Variants in USP35 observed in about 807,000 individuals in gnomAD.
The protein encoded by USP35 is ubiquitin carboxyl-terminal hydrolase 35.
USP35 carries 69 observed loss-of-function variants against 83.8 expected under a neutral mutation model. The observed-to-expected ratio is 0.82, with a 90% CI of 0.68 to 1.01. The LOEUF (loss-of-function observed/expected upper bound fraction) is 1.01. Ranked by LOEUF, USP35 falls within the 50% of genes least tolerant of loss-of-function variation. USP35 has a pLI of 0.00. For synonymous variants in USP35, 714 were observed against 589.5 expected, an observed-to-expected ratio of 1.21 and a Z score of -3.06; for missense variants, 1,503 against 1,362.5, an observed-to-expected ratio of 1.10 and a Z score of -1.62.
the USP35 span, among the ~76,000 whole-genome samples, chr11:78,233,040 G>GCTTTTTTTTTTTTTTTT: frequency 7.6e-6 from 1 of 132,006 alleles, no homozygotes; most frequent in African/African-American, 3.0e-5. Flanking sequence ...GCACTGTTAA[G>GCTTTTTTTTTTTTTTTT]TTTTTTTTTT....
At chr11:78,217,579 A>C (rs192554230), downstream of USP35, 1 of 152,310 alleles carries the variant, frequency 6.6e-6, no homozygotes, top group Admixed American at 6.5e-5. Flanking sequence ...CCCAGGGTAG[A>C]ATGAAACGTC....
At chr11:78,235,081 G>A in the USP35 span, among the ~76,000 whole-genome samples, 3 of 152,240 alleles carry the variant, frequency 2.0e-5, no homozygotes, top group South Asian at 6.2e-4. Context: ...CCATGGTCTT[G>A]GAGATTAACA....
downstream of USP35, among the ~76,000 whole-genome samples, chr11:78,219,801 G>A (rs148718087): frequency 4.0e-3 from 604 of 152,276 alleles, 3 homozygotes; most frequent in African/African-American, 0.014. Flanking sequence ...AGGACTTTAC[G>A]TGCTGTGCTC....
chr11:78,191,690 G>A (rs1261996089), intron 1 of USP35, among the ~76,000 whole-genome samples: 3 of 152,236 alleles, frequency 2.0e-5, no homozygotes, highest in South Asian at 2.1e-4. Context: ...TGGGAACACC[G>A]AAGTGGCAGG....
At chr11:78,197,760 T>C (rs1180960453) in intron 2 of USP35, among the ~76,000 whole-genome samples, 176 bp from the exon 3 acceptor site, 1 of 152,138 alleles carries the variant, frequency 6.6e-6, no homozygotes, top group Non-Finnish European at 1.5e-5. Context: ...TAGTGAAGGT[T>C]TGTTGAGTGA....
downstream of USP35, chr11:78,217,243 G>C (rs1468569037): frequency 6.6e-6 from 1 of 152,266 alleles, no homozygotes; most frequent in African/African-American, 2.4e-5. Flanking sequence ...TCATGTCCTT[G>C]TCCTTTTTCT....
intron 8 of USP35, among the ~76,000 whole-genome samples, chr11:78,207,937 T>C (rs767205356): frequency 3.3e-5 from 5 of 152,220 alleles, no homozygotes; most frequent in Non-Finnish European, 7.3e-5. Context: ...GCTTGGTGAT[T>C]TATGAAGAAA....
At chr11:78,226,971 T>A in the USP35 span, 4 of 1,613,686 alleles carry the variant, frequency 2.5e-6, no homozygotes, top group South Asian at 4.4e-5. Flanking sequence ...ACAGTGTCCA[T>A]TGCCCTGGGC....
At chr11:78,195,457 C>T (rs1030575536) in intron 1 of USP35, among the ~76,000 whole-genome samples, 11 of 152,088 alleles carry the variant, frequency 7.2e-5, no homozygotes, top group African/African-American at 2.7e-4. Context: ...AGAAAGAGTG[C>T]GAGGCATTCT....
intron 6 of USP35, among the ~76,000 whole-genome samples, chr11:78,205,175 G>A (rs1863492885): frequency 6.6e-6 from 1 of 152,180 alleles, no homozygotes; most frequent in Non-Finnish European, 1.5e-5. Context: ...GCATGCCAAG[G>A]ACCAAGACCC....
the USP35 span, among the ~76,000 whole-genome samples, chr11:78,228,343 C>T: frequency 9.2e-5 from 14 of 152,172 alleles, no homozygotes; most frequent in Non-Finnish European, 1.9e-4. Context: ...AAAAAAGAAT[C>T]AATCCTTTGT....
chr11:78,202,793 A>G (rs1053081058), intron 6 of USP35, among the ~76,000 whole-genome samples: 4 of 152,186 alleles, frequency 2.6e-5, no homozygotes, highest in Non-Finnish European at 4.4e-5. Flanking sequence ...GTGTTGCCCA[A>G]GGGTTTCTAC....
At chr11:78,209,390 G>A in intron 9 of USP35, 58 bp from the exon 10 acceptor site, 1 of 1,486,276 alleles carries the variant, frequency 6.7e-7, no homozygotes, top group Non-Finnish European at 9.0e-7. Context: ...TGGATAAGCT[G>A]AGTGCCCCGG....
At chr11:78,189,995 G>A (rs773559445) in intron 1 of USP35, among the ~76,000 whole-genome samples, 9 of 152,150 alleles carry the variant, frequency 5.9e-5, no homozygotes, top group Non-Finnish European at 8.8e-5. Flanking sequence ...ACCTGGTGTC[G>A]GGAGGGGCAG....
chr11:78,209,478 G>T lies in USP35; in HGVS notation c.1623G>T (p.Arg541Ser), dbSNP rs755041854. 1.2e-6 allele frequency: 2 copies of T among 1,611,618 alleles called. No homozygotes were observed. Among genetic ancestry groups the T allele is most frequent in the Non-Finnish European group, 1.7e-6 (2 of 1,178,350 alleles). ...RLHEEEKTGTRICQKLKQSSS... is the reference protein window; with the variant it reads ...RLHEEEKTGTSICQKLKQSSS... ...ACGAAGAGGAGAAAACGGGCACAAG[G>T]ATCTGCCAGAAACTCAAGCAGTCCA... Residue 541 changes from arginine to serine, a missense_variant, in exon 10 of 11, where the codon AGG (arginine) becomes AGT (serine). Transcript: ENST00000529308.
At chr11:78,226,620 G>GGGGGGGGGGGGGGGGGGCCC in the USP35 span, 1 of 1,500,414 alleles carries the variant, frequency 6.7e-7, no homozygotes, top group Non-Finnish European at 9.3e-7. Flanking sequence ...GCGGGGTGGG[G>GGGGGGGGGGGGGGGGGGCCC]GAGCTATGGC....
rs1373046304 is a variant in USP35, at chr11:78,200,662, A to T, written c.1051A>T (p.Ile351Phe). The T allele has an allele frequency of 6.2e-7, 1 of 1,610,714 alleles. No individual in the cohort carries two copies. Among genetic ancestry groups the T allele is most frequent in the Non-Finnish European group, 8.5e-7 (1 of 1,178,072 alleles). ...TCTGCTCCCACAGCTCCTCCCTCAC[A>T]TCCCCCCCATGGTGGCCTCTCTGGT... The part of the protein sequence containing the change: ...HEAFHLLLPH[I>F]PPMVASLVKE... Residue 351 changes from isoleucine (I) to phenylalanine (F), a missense_variant, in exon 6 of 11, where the codon ATC (isoleucine) becomes TTC (phenylalanine). Ile to Phe is a conservative substitution (Grantham distance 21). Transcript: ENST00000529308.
the USP35 span, among the ~76,000 whole-genome samples, chr11:78,228,422 T>A: frequency 6.6e-6 from 1 of 152,192 alleles, no homozygotes; most frequent in Non-Finnish European, 1.5e-5. Flanking sequence ...TCTTGGAGTG[T>A]CTCATCAGAA....
chr11:78,205,411 C>T (rs900317378), intron 6 of USP35, among the ~76,000 whole-genome samples: 6 of 152,208 alleles, frequency 3.9e-5, no homozygotes, highest in South Asian at 2.1e-4. Context: ...GCCTCGCCAC[C>T]GCCAGACAGC....
Sources: gnomAD v4.1 joint callset for allele counts (sites outside exome capture counted in the v4.1 genomes callset) on GRCh38, gnomAD v4.1.1 for gene constraint, MANE v1.5 for transcripts, NCBI Gene and HGNC (gene_info 2026-07-23, HGNC 2026-07-21) for gene names.